MCM3: variants seen among roughly 807,000 people sequenced by gnomAD.
The protein encoded by MCM3 is minichromosome maintenance complex component 3.
MCM3 carries 59 observed loss-of-function variants against 91.3 expected under a neutral mutation model. That is an observed-to-expected ratio of 0.65 (90% CI 0.52 to 0.80). The LOEUF is 0.80. Ranked by LOEUF, MCM3 falls within the 30% of genes least tolerant of loss-of-function variation. The pLI is 0.00. For missense variants in MCM3, 919 were observed against 1,035.4 expected (o/e 0.89, Z 1.54); for synonymous variants, 383 against 379.6 (o/e 1.01, Z -0.10).
intron 4 of MCM3, 21 bp downstream of exon 4, chr6:52,282,024 C>A: frequency 6.2e-7 from 1 of 1,612,606 alleles, no homozygotes; most frequent in South Asian, 1.1e-5. Flanking sequence ...CAAGACAGCT[C>A]AACTGATTTA....
In MCM3 at chr6:52,264,478, T is replaced by G; in HGVS notation, c.*110A>C. ...CATCACCAACATTCCTCGCCTTCAG[T>G]TGAATTCAACACTGTTAAGGGAGTA... On this transcript the variant is annotated 3_prime_UTR_variant, in exon 17 of 17. Coordinates refer to ENST00000596288, the MANE Select transcript of MCM3 (RefSeq NM_002388.6). The G allele has an allele frequency of 1.7e-6, 2 of 1,197,954 alleles. No individual in the cohort carries two copies. The highest frequency in any genetic ancestry group is 2.4e-6 in the Non-Finnish European group (2 of 829,936). 74.2% of individuals were successfully genotyped at this position (1,197,954 alleles called of 1,614,324 possible).
chr6:52,281,482 C>T (rs1391445070), intron 4 of MCM3, among the ~76,000 whole-genome samples: 1 of 151,876 alleles, frequency 6.6e-6, no homozygotes, highest in East Asian at 1.9e-4. Flanking sequence ...TCCAGTCCAG[C>T]CTGGGCAACA....
chr6:52,281,956 A>G, intron 4 of MCM3, 89 bp downstream of exon 4: 1 of 1,354,004 alleles, frequency 7.4e-7, no homozygotes, highest in Non-Finnish European at 1.0e-6. Context: ...TACAGAAAAA[A>G]GACTTCAGAT....
At chr6:52,270,207 T>TA (rs1476337009) in intron 12 of MCM3, among the ~76,000 whole-genome samples, 4 of 151,622 alleles carry the variant, frequency 2.6e-5, no homozygotes, top group African/African-American at 9.7e-5. Context: ...CGCATGCCTG[T>TA]AATCCCAGCT....
chr6:52,274,367 A>G (rs1197313068), intron 9 of MCM3, among the ~76,000 whole-genome samples: 1 of 152,202 alleles, frequency 6.6e-6, no homozygotes, highest in Non-Finnish European at 1.5e-5. Flanking sequence ...AAAATGGTCA[A>G]TGATCTATAT....
At chr6:52,270,335 AAAAAAAAAAAG>A (rs1429454356) in intron 12 of MCM3, among the ~76,000 whole-genome samples, 4 of 151,242 alleles carry the variant, frequency 2.6e-5, no homozygotes, top group East Asian at 1.9e-4. Context: ...TCTCAAAAAA[AAAAAAAAAAAG>A]AAAAAAAAAG....
In MCM3 at chr6:52,277,633, T is replaced by C. The variant is rs750295736; in HGVS notation, c.935A>G (p.Tyr312Cys). 16 of 1,614,080 alleles carry C rather than the reference T, an allele frequency of 9.9e-6. No individual in the cohort carries two copies. The highest frequency in any genetic ancestry group is 1.4e-5 in the Non-Finnish European group (16 of 1,179,998). ...SLAPSIHGHD[Y>C]VKKAILCLLL... is the part of the protein sequence containing the mutation. ...CAAGCAGAGGATTGCTTTCTTGACA[T>C]AGTCATGCCCATGGATACTTGGGGC... The change falls in exon 7 of 17, where the codon TAT (tyrosine) becomes TGT (cysteine). Residue 312 changes from tyrosine to cysteine, a missense_variant. By Grantham distance (194) the Tyr-to-Cys change is radical. This residue lies in a region of MCM3 where 401 missense variants were observed against 402.7 expected (regional missense o/e 1.00). Transcript: ENST00000596288.
Position 52,284,663 on chromosome 6 carries a change from G to A in MCM3, c.12C>T (p.Thr4=). The change falls in exon 1 of 17, where the codon ACC becomes ACT. Residue 4 remains threonine, a synonymous_variant. Coordinates refer to ENST00000596288, the MANE Select transcript of MCM3 (RefSeq NM_002388.6). ...GCAGCTCCACATCGTCCAGCACCAC[G>A]GTACCCGCCATGCCCGCTGCCAAAG... is the stretch of plus-strand genomic sequence containing the variant. The part of the protein sequence containing the change: MAG[T]VVLDDVELRE... 2 of 1,589,316 alleles carry A rather than the reference G, an allele frequency of 1.3e-6. No individual in the cohort carries two copies. Among genetic ancestry groups the A allele is most frequent in the Non-Finnish European group, 1.7e-6 (2 of 1,168,156 alleles).
chr6:52,275,988 T>G (rs917359159), intron 9 of MCM3: 1 of 380,438 alleles, frequency 2.6e-6, no homozygotes, highest in Admixed American at 4.3e-5. Context: ...GCCACATGCA[T>G]GTAGTCCTTT....
chr6:52,284,526 C>G, intron 1 of MCM3, 71 bp downstream of exon 1: 1 of 1,456,330 alleles, frequency 6.9e-7, no homozygotes, highest in Non-Finnish European at 9.3e-7. Context: ...TGGCGGGCCT[C>G]TGGCTTCCCG....
At chr6:52,266,494 C>G in intron 15 of MCM3, 117 bp downstream of exon 15, 1 of 913,964 alleles carries the variant, frequency 1.1e-6, no homozygotes. Context: ...TGGACATAGG[C>G]CCCAAGCAGG....
At chr6:52,278,888 C>T (rs1765813626) in intron 5 of MCM3, 38 bp from the exon 6 acceptor site, 1 of 1,419,224 alleles carries the variant, frequency 7.0e-7, no homozygotes, top group Non-Finnish European at 9.9e-7. Flanking sequence ...CCGTTATATT[C>T]AATTCCTAAC....
chr6:52,264,799 G>GA lies in MCM3; in HGVS notation c.2229-14dup, dbSNP rs1554247586. 11 of 1,612,646 alleles carry GA rather than the reference G, an allele frequency of 6.8e-6. No individual in the cohort carries two copies. The highest frequency in any genetic ancestry group is 9.3e-6 in the Non-Finnish European group (11 of 1,179,414). Reference sequence around the variant, plus strand: ...GAATGCCTTCAACCTGCCCCAGACAGAAGAAAGGGGGAAGAGGAGTAAACA... The same window carrying GA: ...GAATGCCTTCAACCTGCCCCAGACAGAAAGAAAGGGGGAAGAGGAGTAAACA... On this transcript the variant is annotated splice_polypyrimidine_tract_variant and intron_variant, in intron 16 of 16. Coordinates refer to ENST00000596288, the MANE Select transcript of MCM3 (RefSeq NM_002388.6).
rs757607807 is a variant in MCM3, at chr6:52,272,307, G to A, written c.1821C>T (p.Thr607=). The A allele has an allele frequency of 1.7e-5, 27 of 1,613,904 alleles. No individual in the cohort carries two copies. The African/African-American group carries it at 2.0e-4, about 12-fold the overall frequency. ...LRSQDSMSSD[T]ARTSPVTART... is the part of the protein sequence containing the mutation. ...GGCTCCCCCAGGCACTCACCCTGGC[G>A]GTGTCTGAGCTCATGCTATCCTGGC... Residue 607 remains threonine (T), a synonymous_variant, in exon 12 of 17, where the codon ACC becomes ACT. Coordinates refer to ENST00000596288, the MANE Select transcript of MCM3 (RefSeq NM_002388.6).
chr6:52,283,810 T>C (rs1276999171), intron 1 of MCM3, among the ~76,000 whole-genome samples: 1 of 152,254 alleles, frequency 6.6e-6, no homozygotes, highest in Non-Finnish European at 1.5e-5. Context: ...ATGGATATGT[T>C]GTTTCACTGT....
At chr6:52,276,046 G>C (rs1159909892) in intron 9 of MCM3, 1 of 553,634 alleles carries the variant, frequency 1.8e-6, no homozygotes, top group Non-Finnish European at 3.2e-6. Flanking sequence ...TAACTGTACT[G>C]TTAAAAAGTT....
chr6:52,282,944 C>A, intron 2 of MCM3, 83 bp from the exon 3 acceptor site: 1 of 954,478 alleles, frequency 1.0e-6, no homozygotes, highest in South Asian at 1.5e-5. Context: ...ATTCTTAGAT[C>A]ATTAAAAACA....
At chr6:52,276,545 A>G in intron 8 of MCM3, 69 bp from the exon 9 acceptor site, 13 of 1,294,054 alleles carry the variant, frequency 1.0e-5, no homozygotes, top group Non-Finnish European at 1.4e-5. Context: ...AAGGATTTCA[A>G]TCTCCTTCCT....
intron 5 of MCM3, 94 bp downstream of exon 5, chr6:52,279,267 A>T (rs548833737): frequency 8.4e-6 from 9 of 1,065,704 alleles, no homozygotes; most frequent in Admixed American, 7.8e-5. Flanking sequence ...CCTATCAGAT[A>T]TAACTCTCTG....
Sources: gnomAD v4.1 joint callset for allele counts (sites outside exome capture counted in the v4.1 genomes callset) on GRCh38, gnomAD v4.1.1 for gene constraint, gnomAD v4.1.1 regional missense constraint, MANE v1.5 for transcripts, NCBI Gene and HGNC (gene_info 2026-07-23, HGNC 2026-07-21) for gene names.